CPNE8: variants seen among roughly 807,000 people sequenced by gnomAD.
CPNE8 encodes the protein copine 8.
CPNE8 carries 45 observed loss-of-function variants against 81.5 expected under a neutral mutation model. The observed-to-expected ratio is 0.55, with a 90% CI of 0.44 to 0.71. The LOEUF is 0.71. CPNE8 is among the 30% of genes least tolerant of loss of function. CPNE8 has a pLI of 0.00. For missense variants in CPNE8, 594 were observed against 672.1 expected, an observed-to-expected ratio of 0.88 and a Z score of 1.28; for synonymous variants, 252 against 226.3, an observed-to-expected ratio of 1.11 and a Z score of -1.02.
At chr12:38,860,575 A>G (rs920237799) in intron 3 of CPNE8, among the ~76,000 whole-genome samples, 23 of 146,186 alleles carry the variant, frequency 1.6e-4, no homozygotes, top group Admixed American at 4.1e-4. Flanking sequence ...AAAAAAAAAA[A>G]CTCAACGATC....
rs145193386 is a variant in CPNE8 at position 38,734,984 on chromosome 12, T to C, written c.723-4626A>G. Among the ~76,000 whole-genome samples, 1,137 of 152,228 alleles carry C rather than the reference T, an allele frequency of 7.5e-3. 5 individuals carry two copies. Among genetic ancestry groups the C allele is most frequent in the Middle Eastern group, 0.027 (8 of 294 alleles). On this transcript the variant is annotated intron_variant, in intron 10 of 19. Coordinates refer to ENST00000331366, the MANE Select transcript of CPNE8 (RefSeq NM_153634.3). ...CTTTGGAGTACACCGCAGTGTAACA[T>C]GTTTCAGATATGTATCAAAGGATAT... is the stretch of plus-strand genomic sequence containing the variant.
intron 1 of CPNE8, among the ~76,000 whole-genome samples, chr12:38,885,752 T>C (rs1421333041): frequency 6.6e-6 from 1 of 152,156 alleles, no homozygotes. Flanking sequence ...TAATCCTCAA[T>C]GTTGGAGGAG....
chr12:38,815,744 G>A (rs550475973), intron 6 of CPNE8, among the ~76,000 whole-genome samples: 1 of 152,138 alleles, frequency 6.6e-6, no homozygotes, highest in Admixed American at 6.5e-5. Context: ...TAGACTAAAT[G>A]GGATCTCATT....
intron 13 of CPNE8, among the ~76,000 whole-genome samples, chr12:38,708,527 A>G (rs1392217972): frequency 1.3e-5 from 2 of 152,210 alleles, no homozygotes; most frequent in African/African-American, 4.8e-5. Flanking sequence ...GATTTCATAA[A>G]ATCCAGTTAG....
chr12:38,694,673 C>G (rs997797251), intron 14 of CPNE8, among the ~76,000 whole-genome samples: 1 of 152,168 alleles, frequency 6.6e-6, no homozygotes, highest in Non-Finnish European at 1.5e-5. Context: ...ATATGTGCTA[C>G]CACTCAAACA....
chr12:38,744,689 G>A (rs1018321090), intron 10 of CPNE8, among the ~76,000 whole-genome samples: 5 of 151,092 alleles, frequency 3.3e-5, no homozygotes, highest in East Asian at 1.9e-4. Context: ...GGCAAACTTC[G>A]GCAAGAAGCT....
chr12:38,718,755 C>T (rs950590237), intron 13 of CPNE8, among the ~76,000 whole-genome samples: 1 of 151,864 alleles, frequency 6.6e-6, no homozygotes, highest in Non-Finnish European at 1.5e-5. Context: ...GCATAAAATG[C>T]CATGTACCAT....
At chr12:38,808,085 T>C (rs201067651) in intron 6 of CPNE8, among the ~76,000 whole-genome samples, 5,192 of 151,994 alleles carry the variant, frequency 0.034, 270 homozygotes, top group East Asian at 0.19. Flanking sequence ...ATGGCAATCA[T>C]TAAAAAGTCA....
At chr12:38,797,000 GCCCGCCATTGCC>G (rs1464098098) in intron 6 of CPNE8, among the ~76,000 whole-genome samples, 7 of 152,198 alleles carry the variant, frequency 4.6e-5, no homozygotes, top group South Asian at 2.1e-4. Flanking sequence ...GGGGACGGGT[GCCCGCCATTGCC>G]CAGGCTTGCT....
At chr12:38,875,043 A>G (rs1944047813) in intron 1 of CPNE8, among the ~76,000 whole-genome samples, 1 of 152,206 alleles carries the variant, frequency 6.6e-6, no homozygotes, top group African/African-American at 2.4e-5. Flanking sequence ...TTTAAGATGA[A>G]CATAGAGATG....
At chr12:38,898,177 C>T (rs1009226086) in intron 1 of CPNE8, among the ~76,000 whole-genome samples, 1 of 152,116 alleles carries the variant, frequency 6.6e-6, no homozygotes, top group Non-Finnish European at 1.5e-5. Flanking sequence ...GGGATCCTGT[C>T]CTTTAAACTG....
chr12:38,853,248 C>T (rs989565573), intron 3 of CPNE8, among the ~76,000 whole-genome samples: 8 of 152,032 alleles, frequency 5.3e-5, no homozygotes, highest in African/African-American at 1.7e-4. Flanking sequence ...ATGTGCAGTG[C>T]ATATCATTCT....
intron 5 of CPNE8, among the ~76,000 whole-genome samples, chr12:38,831,456 G>T (rs1223645499): frequency 6.6e-6 from 1 of 152,156 alleles, no homozygotes; most frequent in Non-Finnish European, 1.5e-5. Flanking sequence ...GAGGCAAAGT[G>T]TTAAGGCCCC....
intron 12 of CPNE8, 81 bp from the exon 13 acceptor site, chr12:38,723,914 T>C (rs980623521): frequency 1.2e-6 from 1 of 808,486 alleles, no homozygotes; most frequent in African/African-American, 1.7e-5. Flanking sequence ...GAGAAAATCA[T>C]ATTTCTTTGC....
intron 6 of CPNE8, among the ~76,000 whole-genome samples, chr12:38,791,510 C>A (rs189745109): frequency 6.6e-6 from 1 of 151,092 alleles, no homozygotes. Flanking sequence ...TAGAATTGCA[C>A]AATAATGAAA....
rs187364515 is a variant in CPNE8, at chr12:38,726,437, G to A, written c.799-1538C>T. On this transcript the variant is annotated intron_variant, in intron 11 of 19. Transcript: ENST00000331366. ...TCTACAGGAAAACATGCACCAGTAA[G>A]GATGTTGGGCGTCACTGGCAAGATC... 70 of 152,264 alleles carry A rather than the reference G, an allele frequency of 4.6e-4. 1 individual carries two copies. The highest frequency in any genetic ancestry group is 1.6e-3 in the African/African-American group (67 of 41,568). 9.4% of individuals were successfully genotyped at this position (152,264 alleles called of 1,614,324 possible). A position where few individuals can be genotyped will look rare whatever the true frequency, so the allele number is the denominator to read the frequency against.
chr12:38,854,574 C>T (rs896538173), intron 3 of CPNE8, among the ~76,000 whole-genome samples: 4 of 151,836 alleles, frequency 2.6e-5, no homozygotes, highest in Admixed American at 1.3e-4. Flanking sequence ...AATAATTTAT[C>T]GTAGGTGGGA....
At chr12:38,897,663 T>A (rs1161626562) in intron 1 of CPNE8, among the ~76,000 whole-genome samples, 1 of 150,716 alleles carries the variant, frequency 6.6e-6, no homozygotes, top group Non-Finnish European at 1.5e-5. Context: ...TATTATGTAT[T>A]ATATATTATA....
At chr12:38,829,706 T>C (rs912937797) in intron 5 of CPNE8, among the ~76,000 whole-genome samples, 3 of 152,254 alleles carry the variant, frequency 2.0e-5, no homozygotes, top group Non-Finnish European at 4.4e-5. Context: ...TTTCTTTTTA[T>C]GTTTTAAGTT....
Sources: allele counts gnomAD v4.1 joint callset (sites outside exome capture counted in the v4.1 genomes callset), GRCh38; gene constraint gnomAD v4.1.1; transcripts MANE v1.5; gene names NCBI Gene and HGNC (gene_info 2026-07-23, HGNC 2026-07-21).